CLPB: variants seen among roughly 807,000 people sequenced by gnomAD.
CLPB encodes the protein ClpB family mitochondrial disaggregase, also known as mitochondrial disaggregase.
Under a neutral mutation model 78.4 loss-of-function variants are expected in CLPB, and 40 were observed. The ratio of observed to expected loss-of-function variants is 0.51; its 90% CI spans 0.40 to 0.66. The LOEUF is 0.66. CLPB is among the 30% of genes least tolerant of loss of function. The pLI is 0.00. For synonymous variants in CLPB, 333 were observed against 348.0 expected, an observed-to-expected ratio of 0.96 and a Z score of 0.48; for missense variants, 780 against 886.9, an observed-to-expected ratio of 0.88 and a Z score of 1.53.
At chr11:72,382,076 A>C (rs976969561) in intron 3 of CLPB, among the ~76,000 whole-genome samples, 5 of 150,890 alleles carry the variant, frequency 3.3e-5, no homozygotes, top group African/African-American at 1.2e-4. Flanking sequence ...TCACTCACAG[A>C]CCCAGGCTCC....
rs1189358812 is a variant in CLPB, at chr11:72,372,998, A to C, written c.646+7283T>G. On this transcript the variant is annotated intron_variant, in intron 4 of 15. Coordinates refer to ENST00000538039, the MANE Select transcript of CLPB (RefSeq NM_001258392.3). ...ACTGGTTTGTGATGTGCCGGCTTGC[A>C]CCGTCCTGTCCCCCATCTGAAGACA... is the stretch of plus-strand genomic sequence containing the variant. 3.1e-6 allele frequency: 5 copies of C among 1,613,924 alleles called. No individual in the cohort carries two copies. In the South Asian group the frequency reaches 5.5e-5, roughly 18 times the overall value.
chr11:72,324,171 T>A (rs1323624160), intron 6 of CLPB, among the ~76,000 whole-genome samples: 1 of 152,006 alleles, frequency 6.6e-6, no homozygotes, highest in East Asian at 1.9e-4. Context: ...CTTCTAATAG[T>A]CTGTTTCTTA....
intron 8 of CLPB, 88 bp downstream of exon 8, chr11:72,308,439 C>T (rs1949783216): frequency 1.7e-6 from 2 of 1,172,952 alleles, no homozygotes; most frequent in South Asian, 1.2e-5. Flanking sequence ...GACCTGCTGA[C>T]CCTGGCCCGC....
intron 7 of CLPB, among the ~76,000 whole-genome samples, chr11:72,315,507 C>T (rs548663614): frequency 2.6e-5 from 4 of 152,340 alleles, no homozygotes; most frequent in African/African-American, 7.2e-5. Flanking sequence ...GTGAGGCTGA[C>T]GCTTTATCTC....
At chr11:72,313,407 C>T (rs1276202011) in intron 7 of CLPB, among the ~76,000 whole-genome samples, 1 of 152,154 alleles carries the variant, frequency 6.6e-6, no homozygotes. Flanking sequence ...AAGTGGTTAA[C>T]AACTTAAAAA....
At chr11:72,362,952 G>C (rs1321724698) in intron 4 of CLPB, among the ~76,000 whole-genome samples, 1 of 152,082 alleles carries the variant, frequency 6.6e-6, no homozygotes, top group African/African-American at 2.4e-5. Flanking sequence ...GCTCAGAAGT[G>C]TAAGACCAGC....
intron 8 of CLPB, 54 bp from the exon 9 acceptor site, chr11:72,307,308 G>A: frequency 7.2e-7 from 1 of 1,392,410 alleles, no homozygotes; most frequent in Non-Finnish European, 1.0e-6. Context: ...CTAACCGCTG[G>A]AATGAAAGAA....
chr11:72,299,818 G>C (rs1949622066), intron 11 of CLPB, among the ~76,000 whole-genome samples: 1 of 152,150 alleles, frequency 6.6e-6, no homozygotes, highest in Non-Finnish European at 1.5e-5. Flanking sequence ...CTGGGGGAAG[G>C]GGCGACAACA....
At chr11:72,293,981 G>C (rs372567703) in intron 15 of CLPB, 41 bp downstream of exon 15, 2 of 1,547,526 alleles carry the variant, frequency 1.3e-6, no homozygotes, top group Admixed American at 3.5e-5. Context: ...CCTGGGGAGG[G>C]AGGTGTGGAG....
intron 12 of CLPB, 100 bp downstream of exon 12, chr11:72,295,392 A>G: frequency 7.6e-7 from 1 of 1,322,644 alleles, no homozygotes; most frequent in Admixed American, 2.0e-5. Flanking sequence ...GCTGCCCACT[A>G]GAACCTTCAC....
In CLPB at chr11:72,294,002, T is replaced by C; in HGVS notation, c.1785+20A>G. 6.2e-7 allele frequency: 1 copy of C among 1,606,996 alleles called. No homozygotes were observed. The highest frequency in any genetic ancestry group is 1.1e-5 in the South Asian group (1 of 90,282). Reference sequence around the variant, plus strand: ...GAGGGAGGTGTGGAGGCGCCTCATTTCTCAGGCTCCTGTGCTCACCTCATG... The same window carrying C: ...GAGGGAGGTGTGGAGGCGCCTCATTCCTCAGGCTCCTGTGCTCACCTCATG... On this transcript the variant is annotated intron_variant, in intron 15 of 15. Transcript: ENST00000538039.
intron 6 of CLPB, 34 bp from the exon 7 acceptor site, chr11:72,317,254 C>A: frequency 6.6e-7 from 1 of 1,514,162 alleles, no homozygotes. Flanking sequence ...TTGAGGGCTG[C>A]CGGGCCCATA....
chr11:72,295,522 T>C lies in CLPB; in HGVS notation c.1456A>G (p.Met486Val), dbSNP rs1170278007. ...TTTTCGGCAATACGGTTACGGCTCA[T>C]CTCCAAAGCTTCCTGCCTCAGCTGC... is the stretch of plus-strand genomic sequence containing the variant. ...ALQLRQEALE[M>V]SRNRIAENLG... The change falls in exon 12 of 16, where the codon ATG (methionine) becomes GTG (valine). Residue 486 changes from methionine (M) to valine (V), a missense_variant. By Grantham distance (21) the Met-to-Val change is conservative. Transcript: ENST00000538039. 1 of 1,614,024 alleles carries C rather than the reference T, an allele frequency of 6.2e-7. No individual in the cohort carries two copies. The highest frequency in any genetic ancestry group is 8.5e-7 in the Non-Finnish European group (1 of 1,180,028).
At chr11:72,337,205 G>C in intron 5 of CLPB, 1 of 398,468 alleles carries the variant, frequency 2.5e-6, no homozygotes, top group Non-Finnish European at 4.4e-6. Flanking sequence ...CTGGTCTTCT[G>C]ATATCTTGAG....
At chr11:72,406,315 G>A (rs1013540204) in intron 2 of CLPB, among the ~76,000 whole-genome samples, 13 of 152,250 alleles carry the variant, frequency 8.5e-5, no homozygotes, top group South Asian at 6.2e-4. Context: ...TGGAAGCAGC[G>A]TTGCTCTAGA....
intron 3 of CLPB, among the ~76,000 whole-genome samples, chr11:72,397,650 C>T (rs1855446996): frequency 6.6e-6 from 1 of 152,050 alleles, no homozygotes; most frequent in South Asian, 2.1e-4. Context: ...ATCTCTTTTT[C>T]GATGAAGCAT....
chr11:72,372,868 C>CT, intron 4 of CLPB: 1 of 1,465,156 alleles, frequency 6.8e-7, no homozygotes, highest in South Asian at 1.1e-5. Flanking sequence ...TCAGATGAGA[C>CT]CATCCTTGGC....
intron 3 of CLPB, among the ~76,000 whole-genome samples, chr11:72,393,872 A>G (rs929688173): frequency 3.9e-5 from 6 of 152,174 alleles, no homozygotes; most frequent in African/African-American, 1.4e-4. Flanking sequence ...GCTCTAGCCC[A>G]CTGAGGTTTT....
chr11:72,434,316 C>T lies in CLPB; in HGVS notation c.159G>A (p.Gly53=), dbSNP rs146260335. 110 of 1,612,356 alleles carry T rather than the reference C, an allele frequency of 6.8e-5. No homozygotes were observed. The African/African-American group carries it at 1.1e-3, about 17-fold the overall frequency. The change falls in exon 1 of 16, where the codon GGG becomes GGA. Residue 53 remains glycine (G), a synonymous_variant. Transcript: ENST00000538039. ...AGGCCGGCGATGTTCCAGGGCGCCC[C>T]CCGGTGGCTACCCTCAGCCACTGCG... ...GEPQWLRVAT[G]GRPGTSPALF...
Sources: allele counts gnomAD v4.1 joint callset (sites outside exome capture counted in the v4.1 genomes callset), GRCh38; gene constraint gnomAD v4.1.1; transcripts MANE v1.5; gene names NCBI Gene and HGNC (gene_info 2026-07-23, HGNC 2026-07-21).